RGS22: variants seen among roughly 807,000 people sequenced by gnomAD.
RGS22 encodes regulator of G protein signaling 22.
RGS22 carries 148 observed loss-of-function variants against 172.9 expected under a neutral mutation model. That is an observed-to-expected ratio of 0.86 (90% CI 0.75 to 0.98). The LOEUF (loss-of-function observed/expected upper bound fraction) is 0.98. RGS22 is among the 50% of genes least tolerant of loss of function. RGS22 has a pLI of 0.00. For missense variants in RGS22, 1,347 were observed against 1,440.8 expected (o/e 0.93, Z 1.05); for synonymous variants, 458 against 480.2 (o/e 0.95, Z 0.60).
intron 23 of RGS22, among the ~76,000 whole-genome samples, chr8:99,970,179 A>C (rs552496498): frequency 2.4e-4 from 36 of 152,346 alleles, no homozygotes; most frequent in African/African-American, 8.4e-4. Flanking sequence ...GTTCTTTGAA[A>C]CCAATGAGAA....
At position 100,063,580 on chromosome 8, in the gene RGS22, G is replaced by A; in HGVS notation, c.1188C>T (p.Ser396=). 1.2e-6 allele frequency: 2 copies of A among 1,613,962 alleles called. No individual in the cohort carries two copies. ...TATGAGAAATACACCAGTCCGCCCTGCTCTCTGGTCCAGCGCTCTCATTCT... is the reference window on the plus strand; with the variant it reads ...TATGAGAAATACACCAGTCCGCCCTACTCTCTGGTCCAGCGCTCTCATTCT... The part of the protein sequence containing the change: ...SSKNESAGPE[S]RADWCISHRT... Residue 396 remains serine (S), a synonymous_variant, in exon 8 of 28, where the codon AGC becomes AGT. Coordinates refer to ENST00000360863, the MANE Select transcript of RGS22 (RefSeq NM_015668.5).
intron 23 of RGS22, among the ~76,000 whole-genome samples, chr8:99,976,556 TTTCACCG>T (rs1171417352): frequency 6.6e-6 from 1 of 152,042 alleles, no homozygotes. Flanking sequence ...AGAGACGGGG[TTTCACCG>T]TGTTAGCCAG....
intron 6 of RGS22, among the ~76,000 whole-genome samples, chr8:100,068,223 A>G (rs1311205680): frequency 6.6e-6 from 1 of 152,022 alleles, no homozygotes; most frequent in Non-Finnish European, 1.5e-5. Context: ...CGTCTCTACA[A>G]ATAATTTTTT....
At chr8:100,075,175 C>T (rs1586215688) in intron 4 of RGS22, among the ~76,000 whole-genome samples, 1 of 152,222 alleles carries the variant, frequency 6.6e-6, no homozygotes, top group East Asian at 1.9e-4. Context: ...TCCTCCAAAT[C>T]TCATACTGAA....
chr8:100,095,079 C>T (rs1812862509), intron 2 of RGS22, among the ~76,000 whole-genome samples: 1 of 152,194 alleles, frequency 6.6e-6, no homozygotes, highest in Non-Finnish European at 1.5e-5. Context: ...GAATTGCCAC[C>T]TTGTCTGAAA....
chr8:100,033,622 T>C lies in RGS22; in HGVS notation c.2166+5309A>G, dbSNP rs1284179024. On this transcript the variant is annotated intron_variant, in intron 14 of 27. Coordinates refer to ENST00000360863, the MANE Select transcript of RGS22 (RefSeq NM_015668.5). ...CAAAGAGGACCTGGTACCATTTCTT[T>C]TGAAACTGTTCCAAACAATAGAAAC... 5.3e-5 allele frequency among the ~76,000 whole-genome samples: 8 copies of C among 151,700 alleles called. 1 individual carries two copies. The highest frequency in any genetic ancestry group is 1.3e-4 in the Admixed American group (2 of 15,202).
intron 3 of RGS22, among the ~76,000 whole-genome samples, chr8:100,083,400 G>A (rs1234243927): frequency 1.3e-5 from 2 of 152,132 alleles, no homozygotes; most frequent in African/African-American, 4.8e-5. Flanking sequence ...ACTGAGTCTT[G>A]CTCTGTCCTC....
rs971995350 is a variant in RGS22, at chr8:100,080,312, A to G, written c.161T>C (p.Phe54Ser). 6.2e-7 allele frequency: 1 copy of G among 1,613,472 alleles called. No homozygotes were observed. Among genetic ancestry groups the G allele is most frequent in the African/African-American group, 1.3e-5 (1 of 75,014 alleles). Residue 54 changes from phenylalanine to serine, a missense_variant, in exon 4 of 28, where the codon TTT becomes TCT. By Grantham distance (155) the Phe-to-Ser change is radical (BLOSUM62 -2). Transcript: ENST00000360863. ...TTGTGGAGCATCATTAGCTACTTCA[A>G]AAACTCCATAATCTGCATTAAATCT... is the stretch of plus-strand genomic sequence containing the variant. ...AIRFNADYGV[F>S]EVANDAPQFL...
At position 100,004,919 on chromosome 8, in the gene RGS22, G is replaced by C. The variant is rs560862741; in HGVS notation, c.2455-821C>G. ...CAGTTTACAAGCACGAAAGGGCAAA[G>C]GGGAAAAGAGTCTTATTCTTTGTAA... is the stretch of plus-strand genomic sequence containing the variant. On this transcript the variant is annotated intron_variant, in intron 16 of 27. Transcript: ENST00000360863. Among the ~76,000 whole-genome samples, 6 of 151,944 alleles carry C rather than the reference G, an allele frequency of 3.9e-5. No homozygotes were observed. The East Asian group carries it at 7.7e-4, about 20-fold the overall frequency.
intron 14 of RGS22, among the ~76,000 whole-genome samples, chr8:100,038,237 G>A (rs1349685171): frequency 3.3e-5 from 5 of 152,074 alleles, no homozygotes; most frequent in African/African-American, 1.2e-4. Context: ...GCAAAAATAA[G>A]TCAGCTTGAG....
Position 100,039,015 on chromosome 8 carries a change from C to G in RGS22, c.2082G>C (p.Val694=). ...AAGCCTGCAGGTCAAACCAAAAGTA[C>G]ACACTGTTCTTCCACAACTACAGAT... ...HSGNKLWKNS[V]YFWFDLQAYH... The change falls in exon 14 of 28, where the codon GTG becomes GTC. Residue 694 remains valine, a synonymous_variant. Transcript: ENST00000360863. The G allele has an allele frequency of 6.2e-7, 1 of 1,605,940 alleles. No homozygotes were observed. Among genetic ancestry groups the G allele is most frequent in the Non-Finnish European group, 8.5e-7 (1 of 1,174,456 alleles).
At chr8:99,980,939 T>C (rs1202433910) in intron 22 of RGS22, among the ~76,000 whole-genome samples, 2 of 152,214 alleles carry the variant, frequency 1.3e-5, no homozygotes, top group Non-Finnish European at 2.9e-5. Flanking sequence ...CATTCCTCTA[T>C]ATTTCTGCCT....
Position 99,995,697 on chromosome 8 carries a change from G to T in RGS22, c.3018+765C>A, listed in dbSNP as rs150534723. On this transcript the variant is annotated intron_variant, in intron 20 of 27. Coordinates refer to ENST00000360863, the MANE Select transcript of RGS22 (RefSeq NM_015668.5). ...ATTGGTTAAACCATTGTGGAAGACA[G>T]TGTGGCGATTCCTCAAGGATCTAGA... Among the ~76,000 whole-genome samples, 1,212 of 152,354 alleles carry T rather than the reference G, an allele frequency of 8.0e-3. 8 individuals are homozygous for T. The highest frequency in any genetic ancestry group is 0.028 in the South Asian group (133 of 4,824).
intron 14 of RGS22, among the ~76,000 whole-genome samples, chr8:100,018,378 C>A (rs1419506806): frequency 1.3e-5 from 2 of 151,536 alleles, no homozygotes; most frequent in Non-Finnish European, 2.9e-5. Flanking sequence ...GAAGGAAGAG[C>A]TGAATTGGAG....
At chr8:100,019,590 G>A (rs953593261) in intron 14 of RGS22, among the ~76,000 whole-genome samples, 14 of 152,138 alleles carry the variant, frequency 9.2e-5, no homozygotes, top group South Asian at 4.1e-4. Context: ...AGCACATCTC[G>A]TAGAGCGTAT....
rs1266259271 is a variant in RGS22 at position 99,987,483 on chromosome 8, A to C, written c.3155T>G (p.Phe1052Cys). Residue 1052 changes from phenylalanine (F) to cysteine (C), a missense_variant, in exon 21 of 28, where the codon TTT (phenylalanine) becomes TGT (cysteine). Phe to Cys is a radical substitution (Grantham distance 205). Coordinates refer to ENST00000360863, the MANE Select transcript of RGS22 (RefSeq NM_015668.5). ...KGDLLENGLLFWQEVQKYKDL... is the reference protein window; with the variant it reads ...KGDLLENGLLCWQEVQKYKDL... ...CTTATATTTTTGTACTTCTTGCCAA[A>C]AGAGTAAACCATTTTCCAATAAATC... is the stretch of plus-strand genomic sequence containing the variant. 1 of 1,610,000 alleles carries C rather than the reference A, an allele frequency of 6.2e-7. No individual in the cohort carries two copies. Among genetic ancestry groups the C allele is most frequent in the African/African-American group, 1.3e-5 (1 of 74,822 alleles).
At chr8:100,052,747 C>T in intron 10 of RGS22, 55 bp downstream of exon 10, 1 of 1,466,994 alleles carries the variant, frequency 6.8e-7, no homozygotes, top group Non-Finnish European at 9.5e-7. Flanking sequence ...AACACTCAAG[C>T]ATACATATTT....
At chr8:99,983,341 A>G (rs896341683) in intron 21 of RGS22, among the ~76,000 whole-genome samples, 2 of 152,148 alleles carry the variant, frequency 1.3e-5, no homozygotes, top group African/African-American at 4.8e-5. Context: ...GGCTGGGTCA[A>G]ATGGTAGCTC....
chr8:100,022,791 G>C (rs909886828), intron 14 of RGS22, among the ~76,000 whole-genome samples: 2 of 151,766 alleles, frequency 1.3e-5, no homozygotes, highest in Non-Finnish European at 2.9e-5. Context: ...TGTTACCCAG[G>C]TTGGAGTGCA....
Sources: allele counts gnomAD v4.1 joint callset (sites outside exome capture counted in the v4.1 genomes callset), GRCh38; gene constraint gnomAD v4.1.1; transcripts MANE v1.5; gene names NCBI Gene and HGNC (gene_info 2026-07-23, HGNC 2026-07-21).